The following ARB2A variants were observed in gnomAD, a reference collection of about 807,000 sequenced individuals.
ARB2A encodes cotranscriptional regulator ARB2A.
chr5:93,713,998 T>C, the ARB2A span, among the ~76,000 whole-genome samples: 1 of 152,232 alleles, frequency 6.6e-6, no homozygotes, highest in Non-Finnish European at 1.5e-5. Context: ...GCTAAAGCCC[T>C]GTGCCTGTGG....
the ARB2A span, among the ~76,000 whole-genome samples, chr5:93,875,777 C>G: frequency 3.3e-5 from 5 of 150,052 alleles, no homozygotes; most frequent in Admixed American, 1.3e-4. Flanking sequence ...TTCTTTCCAG[C>G]TATATTTTAA....
the ARB2A span, among the ~76,000 whole-genome samples, chr5:93,880,816 A>C: frequency 2.0e-5 from 3 of 151,672 alleles, no homozygotes; most frequent in Non-Finnish European, 4.4e-5. Context: ...CAAAGTGTAA[A>C]AGTTCGCTGG....
the ARB2A span, among the ~76,000 whole-genome samples, chr5:93,941,856 A>G: frequency 6.6e-6 from 1 of 152,166 alleles, no homozygotes; most frequent in Admixed American, 6.5e-5. Context: ...GGATGATGTC[A>G]GAATATCAAA....
chr5:93,621,201 G>A, the ARB2A span: 2 of 1,413,424 alleles, frequency 1.4e-6, no homozygotes, highest in South Asian at 1.6e-5. Context: ...GCGAGGGCCA[G>A]GCCGAGCCCC....
At chr5:93,720,304 C>T in the ARB2A span, among the ~76,000 whole-genome samples, 3 of 152,134 alleles carry the variant, frequency 2.0e-5, no homozygotes, top group Admixed American at 2.0e-4. Flanking sequence ...ACAATGCAGC[C>T]CATTCCATTT....
the ARB2A span, chr5:93,619,401 G>A: frequency 6.6e-6 from 1 of 152,168 alleles, no homozygotes; most frequent in Non-Finnish European, 1.5e-5. Context: ...GTACTTGTAT[G>A]TCAAACACAG....
the ARB2A span, among the ~76,000 whole-genome samples, chr5:93,964,830 A>T: frequency 6.6e-6 from 1 of 152,076 alleles, no homozygotes; most frequent in South Asian, 2.1e-4. Context: ...TGTTTCTAAA[A>T]TTTGTTTCTC....
the ARB2A span, among the ~76,000 whole-genome samples, chr5:94,049,214 T>C: frequency 6.6e-6 from 1 of 152,148 alleles, no homozygotes; most frequent in African/African-American, 2.4e-5. Flanking sequence ...AAATGGCAAA[T>C]GACATTTTCA....
At chr5:94,092,579 T>A in the ARB2A span, among the ~76,000 whole-genome samples, 1 of 152,366 alleles carries the variant, frequency 6.6e-6, no homozygotes, top group East Asian at 1.9e-4. Flanking sequence ...TGTAAATTTC[T>A]ATAATGTTAT....
the ARB2A span, among the ~76,000 whole-genome samples, chr5:93,749,515 C>T: frequency 6.6e-6 from 1 of 152,036 alleles, no homozygotes; most frequent in Non-Finnish European, 1.5e-5. Context: ...TTACTATATG[C>T]CAGGTACTGT....
the ARB2A span, among the ~76,000 whole-genome samples, chr5:94,060,062 A>G: frequency 6.6e-6 from 1 of 152,110 alleles, no homozygotes; most frequent in Admixed American, 6.6e-5. Flanking sequence ...TGCAGCCTTT[A>G]AAAAAACAAG....
the ARB2A span, chr5:93,740,445 T>C: frequency 3.1e-6 from 3 of 977,298 alleles, no homozygotes; most frequent in East Asian, 5.1e-5. Flanking sequence ...CCCTACTATG[T>C]ATCCTTAACT....
At chr5:93,816,588 T>C in the ARB2A span, among the ~76,000 whole-genome samples, 2 of 152,164 alleles carry the variant, frequency 1.3e-5, no homozygotes, top group Admixed American at 1.3e-4. Context: ...CAGTAGGACC[T>C]GAATGCAGCT....
chr5:93,997,090 G>A, the ARB2A span, among the ~76,000 whole-genome samples: 1 of 151,992 alleles, frequency 6.6e-6, no homozygotes, highest in South Asian at 2.1e-4. Flanking sequence ...ATTAATTCCT[G>A]ACTAAAACTT....
the ARB2A span, among the ~76,000 whole-genome samples, chr5:93,824,743 G>A: frequency 2.0e-5 from 3 of 152,180 alleles, no homozygotes; most frequent in Non-Finnish European, 2.9e-5. Context: ...AGAAACTCCT[G>A]CAAAATTACC....
At chr5:93,858,285 C>T in the ARB2A span, among the ~76,000 whole-genome samples, 7 of 152,234 alleles carry the variant, frequency 4.6e-5, no homozygotes, top group Admixed American at 4.6e-4. Context: ...AGAATCCAGA[C>T]TTCCAGAAGG....
the ARB2A span, chr5:93,861,895 C>T: frequency 2.6e-5 from 4 of 152,054 alleles, no homozygotes; most frequent in East Asian, 5.8e-4. Flanking sequence ...GGATAGTATC[C>T]GTATCACTGG....
At chr5:94,023,485 A>G in the ARB2A span, among the ~76,000 whole-genome samples, 1 of 152,224 alleles carries the variant, frequency 6.6e-6, no homozygotes. Context: ...GTGTATTCAA[A>G]TAATTACACC....
the ARB2A span, among the ~76,000 whole-genome samples, chr5:94,021,830 C>T: frequency 6.6e-6 from 1 of 152,130 alleles, no homozygotes; most frequent in Non-Finnish European, 1.5e-5. Flanking sequence ...TCAGTACCTT[C>T]GGAGGCTGAG....
Sources: allele counts gnomAD v4.1 joint callset (sites outside exome capture counted in the v4.1 genomes callset), GRCh38; gene constraint gnomAD v4.1.1; transcripts MANE v1.5; gene names NCBI Gene and HGNC (gene_info 2026-07-23, HGNC 2026-07-21).